Variants in ODAD2 observed in about 807,000 individuals in gnomAD.
The protein encoded by ODAD2 is outer dynein arm-docking complex subunit 2.
ODAD2 carries 89 observed loss-of-function variants against 106.8 expected under a neutral mutation model. The observed-to-expected ratio is 0.83, with a 90% CI of 0.70 to 0.99. The LOEUF is 0.99. ODAD2 is among the 50% of genes least tolerant of loss of function. The pLI, the probability that ODAD2 is intolerant of heterozygous loss-of-function variation, is 0.00. For missense variants in ODAD2, 1,168 were observed against 1,238.5 expected (o/e 0.94, Z 0.85); for synonymous variants, 404 against 436.2 (o/e 0.93, Z 0.92).
intron 7 of ODAD2, among the ~76,000 whole-genome samples, chr10:27,978,975 C>T (rs567738041): frequency 6.6e-6 from 1 of 151,776 alleles, no homozygotes; most frequent in East Asian, 1.9e-4. Flanking sequence ...TTTGGGAGGC[C>T]GAGGCAAGCA....
At position 27,935,170 on chromosome 10, in the gene ODAD2, C is replaced by A; in HGVS notation, c.2335G>T (p.Ala779Ser). The change falls in exon 16 of 20, where the codon GCC (alanine) becomes TCC (serine). Residue 779 changes from alanine to serine, a missense_variant. Physicochemically the swap from Ala to Ser is moderately conservative, Grantham distance 99. Coordinates refer to ENST00000305242, the MANE Select transcript of ODAD2 (RefSeq NM_018076.5). ...PEEVLVNVVG[A>S]LGECCQEREN... Reference sequence around the variant, plus strand: ...CGTTCTTGGCAGCATTCTCCCAAGGCCCCAACCACATTCACAAGTACTTCT... The same window carrying A: ...CGTTCTTGGCAGCATTCTCCCAAGGACCCAACCACATTCACAAGTACTTCT... 1 of 1,614,008 alleles carries A rather than the reference C, an allele frequency of 6.2e-7. No individual in the cohort carries two copies. Among genetic ancestry groups the A allele is most frequent in the Non-Finnish European group, 8.5e-7 (1 of 1,179,912 alleles).
chr10:27,979,399 C>T (rs141214243), intron 7 of ODAD2, among the ~76,000 whole-genome samples: 3 of 150,952 alleles, frequency 2.0e-5, no homozygotes, highest in Non-Finnish European at 4.4e-5. Flanking sequence ...ATGCAGATGG[C>T]ATGATCTTGT....
At chr10:27,893,350 C>T (rs1842679712) in intron 17 of ODAD2, among the ~76,000 whole-genome samples, 1 of 152,116 alleles carries the variant, frequency 6.6e-6, no homozygotes, top group Non-Finnish European at 1.5e-5. Flanking sequence ...GTTGACATTT[C>T]ACCATGTCCA....
chr10:27,838,851 C>A (rs1838099313), intron 19 of ODAD2, among the ~76,000 whole-genome samples: 3 of 152,172 alleles, frequency 2.0e-5, no homozygotes, highest in South Asian at 2.1e-4. Context: ...TGAAACGGAT[C>A]TTTTATCAAC....
intron 17 of ODAD2, among the ~76,000 whole-genome samples, chr10:27,906,846 C>T (rs1474517172): frequency 6.6e-6 from 1 of 152,044 alleles, no homozygotes; most frequent in Non-Finnish European, 1.5e-5. Context: ...GGGAACATCA[C>T]ACATCGGGGC....
At chr10:27,820,777 C>CT (rs72095120) in intron 19 of ODAD2, among the ~76,000 whole-genome samples, 2,047 of 105,442 alleles carry the variant, frequency 0.019, 47 homozygotes, top group African/African-American at 0.044. Flanking sequence ...AGCCCAGCAA[C>CT]TTTTTTTTTT....
chr10:27,979,491 G>T (rs1363480942), intron 7 of ODAD2, among the ~76,000 whole-genome samples: 7 of 151,428 alleles, frequency 4.6e-5, no homozygotes, highest in South Asian at 4.2e-4. Context: ...TGAATTCAGT[G>T]AAGTTGCGAA....
intron 19 of ODAD2, among the ~76,000 whole-genome samples, chr10:27,825,692 G>A (rs1362147438): frequency 6.6e-6 from 1 of 152,190 alleles, no homozygotes; most frequent in East Asian, 1.9e-4. Flanking sequence ...AGGGACAACA[G>A]GTACAGGAAC....
intron 16 of ODAD2, among the ~76,000 whole-genome samples, chr10:27,922,348 A>T (rs1211563435): frequency 6.6e-6 from 1 of 152,084 alleles, no homozygotes; most frequent in African/African-American, 2.4e-5. Flanking sequence ...CTCCAAACTA[A>T]GACTATAGAA....
chr10:27,904,521 G>A (rs1448636855), intron 17 of ODAD2, among the ~76,000 whole-genome samples: 2 of 152,146 alleles, frequency 1.3e-5, no homozygotes, highest in African/African-American at 4.8e-5. Flanking sequence ...GTCCATCACT[G>A]CCTCTGAGAT....
At chr10:27,962,834 C>T (rs1362113178) in intron 9 of ODAD2, among the ~76,000 whole-genome samples, 1 of 152,126 alleles carries the variant, frequency 6.6e-6, no homozygotes, top group Non-Finnish European at 1.5e-5. Flanking sequence ...GTCTCAGGAA[C>T]TACTCATCCA....
Position 27,907,673 on chromosome 10 carries a change from T to G in ODAD2, c.2600A>C (p.Lys867Thr). Residue 867 changes from lysine (K) to threonine (T), a missense_variant, in exon 17 of 20, where the codon AAA (lysine) becomes ACA (threonine). Lys to Thr is a moderately conservative substitution (Grantham distance 78). This residue lies in a region of ODAD2 where 701 missense variants were observed against 712.3 expected (regional missense o/e 0.98). Transcript: ENST00000305242. ...GCAGTCCGTTCTTACCTTTGCATTTTTGATGCATGGACAGAGTGCCCATGC... is the reference window on the plus strand; with the variant it reads ...GCAGTCCGTTCTTACCTTTGCATTTGTGATGCATGGACAGAGTGCCCATGC... ...SAAWALCPCIKNAKDAGEMVR... is the reference protein window; with the variant it reads ...SAAWALCPCITNAKDAGEMVR... 2 of 1,613,066 alleles carry G rather than the reference T, an allele frequency of 1.2e-6. No homozygotes were observed. The highest frequency in any genetic ancestry group is 8.5e-7 in the Non-Finnish European group (1 of 1,179,172).
chr10:27,915,903 T>C (rs1368533461), intron 16 of ODAD2, among the ~76,000 whole-genome samples: 4 of 152,160 alleles, frequency 2.6e-5, no homozygotes, highest in Non-Finnish European at 4.4e-5. Flanking sequence ...CATTTGTTCA[T>C]ATATATGGCC....
At chr10:27,928,399 C>A (rs1845397809) in intron 16 of ODAD2, among the ~76,000 whole-genome samples, 1 of 152,068 alleles carries the variant, frequency 6.6e-6, no homozygotes. Flanking sequence ...TTAGTTTAAG[C>A]CACCTTCACC....
intron 2 of ODAD2, among the ~76,000 whole-genome samples, chr10:27,988,662 A>G (rs780896390): frequency 2.0e-5 from 3 of 152,144 alleles, no homozygotes; most frequent in Non-Finnish European, 4.4e-5. Context: ...TTGAATTGCA[A>G]TGTAGATACA....
rs189424185 is a variant in ODAD2, at chr10:27,838,647, C to T, written c.3021+21978G>A. Among the ~76,000 whole-genome samples, 23 of 152,298 alleles carry T rather than the reference C, an allele frequency of 1.5e-4. No homozygotes were observed. The East Asian group carries it at 4.4e-3, about 29-fold the overall frequency. ...GAAATATAGATGAAAGATGGAACTG[C>T]TCTCTATAGCATCTGCCAGATTCCT... On this transcript the variant is annotated intron_variant, in intron 19 of 19. Coordinates refer to ENST00000305242, the MANE Select transcript of ODAD2 (RefSeq NM_018076.5).
intron 2 of ODAD2, among the ~76,000 whole-genome samples, chr10:27,993,500 A>G (rs968059620): frequency 1.3e-5 from 2 of 152,016 alleles, no homozygotes; most frequent in Non-Finnish European, 2.9e-5. Flanking sequence ...AATACAAAAA[A>G]TTAGCCAGGC....
At chr10:27,828,832 A>C (rs531060983) in intron 19 of ODAD2, among the ~76,000 whole-genome samples, 6 of 152,334 alleles carry the variant, frequency 3.9e-5, no homozygotes, top group African/African-American at 1.4e-4. Flanking sequence ...TTAATATAAG[A>C]AAAAAGCCAA....
chr10:27,889,220 A>C (rs2133685237), intron 17 of ODAD2, among the ~76,000 whole-genome samples: 1 of 152,306 alleles, frequency 6.6e-6, no homozygotes, highest in Non-Finnish European at 1.5e-5. Flanking sequence ...TAGAGAGATC[A>C]AGTTGGACCC....
Sources: gnomAD v4.1 joint callset for allele counts (sites outside exome capture counted in the v4.1 genomes callset) on GRCh38, gnomAD v4.1.1 for gene constraint, gnomAD v4.1.1 regional missense constraint, MANE v1.5 for transcripts, NCBI Gene and HGNC (gene_info 2026-07-23, HGNC 2026-07-21) for gene names.